DPYS: variants seen among roughly 807,000 people sequenced by gnomAD.
DPYS encodes the protein dihydropyrimidine amidohydrolase.
Under a neutral mutation model 50.3 loss-of-function variants are expected in DPYS, and 39 were observed. The ratio of observed to expected loss-of-function variants is 0.78; its 90% CI spans 0.60 to 1.01. The LOEUF (loss-of-function observed/expected upper bound fraction) is 1.01, where lower values mean the gene tolerates loss of function less well. Among genes scored for constraint, DPYS ranks in the 50% least tolerant of loss-of-function variants. The pLI, the probability that DPYS is intolerant of heterozygous loss-of-function variation, is 0.00. For synonymous variants in DPYS, 245 were observed against 250.7 expected (o/e 0.98, Z 0.22); for missense variants, 659 against 680.9 (o/e 0.97, Z 0.36).
intron 4 of DPYS, among the ~76,000 whole-genome samples, chr8:104,431,384 T>C (rs1812951081): frequency 6.6e-6 from 1 of 151,574 alleles, no homozygotes; most frequent in Admixed American, 6.6e-5. Flanking sequence ...ACTTTAGTGG[T>C]ATATACAACA....
intron 5 of DPYS, among the ~76,000 whole-genome samples, chr8:104,428,465 T>C (rs1812814058): frequency 6.6e-6 from 1 of 152,232 alleles, no homozygotes; most frequent in African/African-American, 2.4e-5. Context: ...TGAAGATAAC[T>C]TCAGAATCAC....
chr8:104,458,724 G>T (rs1363060671), intron 1 of DPYS, among the ~76,000 whole-genome samples: 3 of 152,208 alleles, frequency 2.0e-5, no homozygotes, highest in Non-Finnish European at 4.4e-5. Context: ...TTGCGTGTTA[G>T]TGTGAAATGT....
At chr8:104,408,818 GTT>G (rs548411409) in intron 7 of DPYS, among the ~76,000 whole-genome samples, 1 of 143,480 alleles carries the variant, frequency 7.0e-6, no homozygotes. Context: ...TTTTTTGTTT[GTT>G]TTTTTTTTTT....
At chr8:104,451,222 CA>C in intron 2 of DPYS, 23 bp downstream of exon 2, 1 of 1,613,188 alleles carries the variant, frequency 6.2e-7, no homozygotes, top group Non-Finnish European at 8.5e-7. Flanking sequence ...ACAATGGGAA[CA>C]CATTGAAATC....
In DPYS at chr8:104,429,600, G is replaced by A. The variant is rs759626469; in HGVS notation, c.895C>T (p.Pro299Ser). The change falls in exon 5 of 10, where the codon CCA (proline) becomes TCA (serine). Residue 299 changes from proline to serine, a missense_variant. Coordinates refer to ENST00000351513, the MANE Select transcript of DPYS (RefSeq NM_001385.3). The part of the protein sequence containing the change: ...WHHAAHHVMG[P>S]PLRPDPSTPD... ...GTTGAGGGGTCTGGTCGCAAAGGTG[G>A]ACCCATGACATGGTGGGCTGCATGG... 165 of 1,614,006 alleles carry A rather than the reference G, an allele frequency of 1.0e-4. No homozygotes were observed. Among genetic ancestry groups the A allele is most frequent in the Non-Finnish European group, 1.4e-4 (162 of 1,180,030 alleles).
rs146808720 is a variant in DPYS, at chr8:104,412,916, G to A, written c.1235+11331C>T. ...AGGGCCCAAGATATGGTTTGTAATG[G>A]CTGAATAAATGAATGTGGAACAAGA... is the stretch of plus-strand genomic sequence containing the variant. On this transcript the variant is annotated intron_variant, in intron 7 of 9. Coordinates refer to ENST00000351513, the MANE Select transcript of DPYS (RefSeq NM_001385.3). 2.0e-3 allele frequency among the ~76,000 whole-genome samples: 309 copies of A among 152,238 alleles called. 1 individual carries two copies. The highest frequency in any genetic ancestry group is 5.5e-3 in the African/African-American group (230 of 41,532).
intron 7 of DPYS, among the ~76,000 whole-genome samples, chr8:104,396,468 C>T (rs1364457342): frequency 6.6e-6 from 1 of 152,082 alleles, no homozygotes; most frequent in African/African-American, 2.4e-5. Context: ...GTTGCCTAAA[C>T]TATTTAAAAA....
chr8:104,435,048 G>A (rs1026201341), intron 4 of DPYS, among the ~76,000 whole-genome samples: 2 of 152,170 alleles, frequency 1.3e-5, no homozygotes, highest in Non-Finnish European at 2.9e-5. Context: ...GTGAATTCAT[G>A]AGCCTACAGG....
chr8:104,436,598 T>TAAAAC lies in DPYS; in HGVS notation c.794-6902_794-6898dup, dbSNP rs944223134. Among the ~76,000 whole-genome samples the TAAAAC allele has an allele frequency of 4.6e-5, 7 of 151,916 alleles. No homozygotes were observed. In the South Asian group the frequency reaches 1.0e-3, roughly 23 times the overall value. The stretch of plus-strand genomic sequence containing the variant: ...CTAGGCAACAGAGTGAGACTCCATC[T>TAAAAC]AAAACAAAACAAAACAAAACCCTGA... On this transcript the variant is annotated intron_variant, in intron 4 of 9. Coordinates refer to ENST00000351513, the MANE Select transcript of DPYS (RefSeq NM_001385.3).
intron 7 of DPYS, among the ~76,000 whole-genome samples, chr8:104,410,574 C>A (rs902875627): frequency 3.3e-5 from 5 of 152,124 alleles, no homozygotes; most frequent in African/African-American, 1.2e-4. Context: ...ATCCTCCTCC[C>A]CATCTCCAAA....
chr8:104,384,170 G>T (rs1435766292), intron 8 of DPYS, among the ~76,000 whole-genome samples: 1 of 152,180 alleles, frequency 6.6e-6, no homozygotes, highest in Non-Finnish European at 1.5e-5. Context: ...CTCCTGTCAG[G>T]AGTCCTGTGC....
chr8:104,403,342 C>G (rs181520761), intron 7 of DPYS, among the ~76,000 whole-genome samples: 1 of 152,298 alleles, frequency 6.6e-6, no homozygotes, highest in African/African-American at 2.4e-5. Context: ...AGAGCTATAA[C>G]ACTCACTGCA....
chr8:104,445,339 C>G (rs1052656292), intron 3 of DPYS, among the ~76,000 whole-genome samples: 4 of 152,272 alleles, frequency 2.6e-5, no homozygotes, highest in African/African-American at 9.6e-5. Context: ...CTGCACTGTT[C>G]ACTACAGCCA....
chr8:104,431,533 A>T (rs1588439694), intron 4 of DPYS, among the ~76,000 whole-genome samples: 1 of 151,980 alleles, frequency 6.6e-6, no homozygotes, highest in East Asian at 1.9e-4. Flanking sequence ...TTTTCAAAGG[A>T]CTAAAAAGCA....
chr8:104,453,063 T>A (rs1018446903), intron 1 of DPYS, among the ~76,000 whole-genome samples: 1 of 152,136 alleles, frequency 6.6e-6, no homozygotes, highest in Non-Finnish European at 1.5e-5. Flanking sequence ...AGCTTCCAGA[T>A]ACACCGGATG....
intron 4 of DPYS, among the ~76,000 whole-genome samples, chr8:104,439,424 G>A (rs549716880): frequency 1.3e-5 from 2 of 152,106 alleles, no homozygotes; most frequent in East Asian, 1.9e-4. Context: ...AAATGATAAC[G>A]TCTTAAATAA....
chr8:104,390,316 G>A (rs572073611), intron 8 of DPYS, among the ~76,000 whole-genome samples: 23 of 152,096 alleles, frequency 1.5e-4, no homozygotes, highest in Non-Finnish European at 2.2e-4. Flanking sequence ...CAAAACAAAC[G>A]CTGAGTAACT....
chr8:104,466,551 G>C, intron 1 of DPYS, 106 bp downstream of exon 1: 12 of 1,286,180 alleles, frequency 9.3e-6, no homozygotes, highest in South Asian at 1.8e-5. Flanking sequence ...CCAGCTCCTC[G>C]GCGCCGCGCC....
intron 7 of DPYS, among the ~76,000 whole-genome samples, chr8:104,395,848 C>CAA (rs3039791): frequency 6.8e-6 from 1 of 148,142 alleles, no homozygotes; most frequent in Non-Finnish European, 1.5e-5. Flanking sequence ...TATGCTGCAG[C>CAA]AAAAAAAAAA....
Sources: allele counts gnomAD v4.1 joint callset (sites outside exome capture counted in the v4.1 genomes callset), GRCh38; gene constraint gnomAD v4.1.1; transcripts MANE v1.5; gene names NCBI Gene and HGNC (gene_info 2026-07-23, HGNC 2026-07-21).